TIMM23: variants seen among roughly 807,000 people sequenced by gnomAD.
TIMM23 encodes the protein mitochondrial import inner membrane translocase subunit Tim23.
In TIMM23, 19 loss-of-function variants were observed where a neutral mutation model predicts 30.7. The ratio of observed to expected loss-of-function variants is 0.62; its 90% CI spans 0.43 to 0.91. TIMM23 has a LOEUF of 0.91. TIMM23 is among the 40% of genes least tolerant of loss of function. TIMM23 has a pLI of 0.00. For synonymous variants in TIMM23, 78 were observed against 98.5 expected, an observed-to-expected ratio of 0.79 and a Z score of 1.23; for missense variants, 202 against 269.2, an observed-to-expected ratio of 0.75 and a Z score of 1.75.
At chr10:45,975,357 A>G in intron 1 of TIMM23, 97 bp from the exon 2 acceptor site, 2 of 1,492,864 alleles carry the variant, frequency 1.3e-6, no homozygotes, top group Non-Finnish European at 1.8e-6. Flanking sequence ...GAGCCTATAA[A>G]AATTGCAAAC....
rs1202230485 is a variant in TIMM23, at chr10:45,994,384, CTCTA to C, written c.514+5541_514+5544del. Among the ~76,000 whole-genome samples, 657 of 145,494 alleles carry C rather than the reference CTCTA, an allele frequency of 4.5e-3. 5 individuals carry two copies. The highest frequency in any genetic ancestry group is 0.016 in the African/African-American group (618 of 38,968). The stretch of plus-strand genomic sequence containing the variant: ...AAATAAATGAATAAAATAAATTACT[CTCTA>C]TCTGACAGCTGCTAGTTTTTCCCTC... On this transcript the variant is annotated intron_variant, in intron 6 of 6. Coordinates refer to ENST00000580018, the MANE Select transcript of TIMM23 (RefSeq NM_006327.4).
At chr10:45,976,806 G>T (rs1446941252) in intron 2 of TIMM23, among the ~76,000 whole-genome samples, 2 of 152,078 alleles carry the variant, frequency 1.3e-5, no homozygotes, top group Non-Finnish European at 2.9e-5. Flanking sequence ...TACGTTAAAT[G>T]GCATTCAAGT....
rs1281515223 is a variant in TIMM23, at chr10:45,996,195, A to C, written c.515-7008A>C. Among the ~76,000 whole-genome samples, 97 of 142,984 alleles carry C rather than the reference A, an allele frequency of 6.8e-4. 7 individuals are homozygous for C. The highest frequency in any genetic ancestry group is 2.6e-3 in the African/African-American group (93 of 35,436). The allele number at this position is 142,984 out of a possible 152,430, so 93.8% of individuals were successfully genotyped here. ...GCTAACACAGTGAAACCCCGTCTCT[A>C]CTGAAAATACAAAAACATTATCCGG... On this transcript the variant is annotated intron_variant, in intron 6 of 6. Coordinates refer to ENST00000580018, the MANE Select transcript of TIMM23 (RefSeq NM_006327.4).
At chr10:46,000,014 A>C (rs546316371) in intron 6 of TIMM23, among the ~76,000 whole-genome samples, 2 of 152,326 alleles carry the variant, frequency 1.3e-5, no homozygotes, top group Non-Finnish European at 2.9e-5. Context: ...GTTTAAGGTT[A>C]TCTCTCTTAT....
At chr10:45,984,678 T>C (rs1564906209) in intron 4 of TIMM23, 2 of 309,914 alleles carry the variant, frequency 6.5e-6, no homozygotes, top group East Asian at 8.8e-5. Context: ...GAGAAGAATG[T>C]CTTCTCTTCA....
At position 45,985,430 on chromosome 10, in the gene TIMM23, T is replaced by C; in HGVS notation, c.392T>C (p.Leu131Pro). The C allele has an allele frequency of 1.2e-6, 2 of 1,613,466 alleles. No homozygotes were observed. Among genetic ancestry groups the C allele is most frequent in the South Asian group, 1.1e-5 (1 of 91,072 alleles). ...CAAGGGGCACTTTGGGCTAATACTC[T>C]AGGTTCTCTGGGTAAGTAGAGATCT... is the stretch of plus-strand genomic sequence containing the variant. ...TRQGALWANTLGSLALLYSAF... is the reference protein window; with the variant it reads ...TRQGALWANTPGSLALLYSAF... The change falls in exon 5 of 7, where the codon CTA (leucine) becomes CCA (proline). Residue 131 changes from leucine (L) to proline (P), a missense_variant. Transcript: ENST00000580018.
chr10:46,003,192 CTG>C lies in TIMM23; in HGVS notation c.515-9_515-8del, dbSNP rs1838606727. The C allele has an allele frequency of 6.2e-7, 1 of 1,606,564 alleles. No individual in the cohort carries two copies. Among genetic ancestry groups the C allele is most frequent in the South Asian group, 1.1e-5 (1 of 90,932 alleles). Reference sequence around the variant, plus strand: ...CAGCTATTTCATTTTCCTTTTGTCTCTGTTTCCCAGGTGGTCTTCGAGGGATA... The same window carrying C: ...CAGCTATTTCATTTTCCTTTTGTCTCTTTCCCAGGTGGTCTTCGAGGGATA... On this transcript the variant is annotated splice_polypyrimidine_tract_variant and intron_variant, in intron 6 of 6. Coordinates refer to ENST00000580018, the MANE Select transcript of TIMM23 (RefSeq NM_006327.4).
At position 45,985,380 on chromosome 10, in the gene TIMM23, T is replaced by G. The variant is rs1395070094; in HGVS notation, c.345-3T>G. 1 of 1,613,346 alleles carries G rather than the reference T, an allele frequency of 6.2e-7. No homozygotes were observed. The highest frequency in any genetic ancestry group is 2.2e-5 in the East Asian group (1 of 44,826). ...CAGATTCTTTCTCTTTCTGCCCTGA[T>G]AGGATTTTGAATATGGTGACTAGGC... On this transcript the variant is annotated splice_polypyrimidine_tract_variant and splice_region_variant and intron_variant, in intron 4 of 6. Coordinates refer to ENST00000580018, the MANE Select transcript of TIMM23 (RefSeq NM_006327.4).
intron 6 of TIMM23, among the ~76,000 whole-genome samples, chr10:45,996,022 C>T (rs1376327623): frequency 2.7e-5 from 4 of 149,674 alleles, no homozygotes; most frequent in African/African-American, 1.0e-4. Flanking sequence ...TGCTGCCTTT[C>T]GGAGGCAAGA....
intron 6 of TIMM23, among the ~76,000 whole-genome samples, chr10:46,000,453 C>T (rs1554917506): frequency 6.6e-6 from 1 of 152,210 alleles, no homozygotes; most frequent in African/African-American, 2.4e-5. Context: ...CTCCTGGGCT[C>T]AAGCAGTCCG....
chr10:45,973,919 C>G (rs1225435993), intron 1 of TIMM23, among the ~76,000 whole-genome samples: 27 of 152,024 alleles, frequency 1.8e-4, no homozygotes, highest in Non-Finnish European at 3.4e-4. Context: ...TCCCAAAATG[C>G]TGGGATTCCT....
intron 6 of TIMM23, among the ~76,000 whole-genome samples, chr10:45,998,705 T>G (rs941043540): frequency 5.9e-5 from 9 of 152,202 alleles, no homozygotes; most frequent in Non-Finnish European, 1.2e-4. Flanking sequence ...GGAGTTGATT[T>G]TTTTTCTCTC....
intron 6 of TIMM23, among the ~76,000 whole-genome samples, chr10:45,999,826 C>A (rs1182331485): frequency 3.3e-5 from 5 of 152,102 alleles, no homozygotes; most frequent in Admixed American, 3.3e-4. Flanking sequence ...CTACAGTCTA[C>A]AGACCATAAA....
chr10:45,997,164 G>T (rs1285969371), intron 6 of TIMM23, among the ~76,000 whole-genome samples: 3 of 152,056 alleles, frequency 2.0e-5, no homozygotes, highest in Non-Finnish European at 2.9e-5. Flanking sequence ...CAAGGCTGCA[G>T]TGAGCCGTGA....
rs1173796893 is a variant in TIMM23, at chr10:46,003,612, CAGA to C, written c.*296_*298del. 14 of 263,786 alleles carry C rather than the reference CAGA, an allele frequency of 5.3e-5. No individual in the cohort carries two copies. Among genetic ancestry groups the C allele is most frequent in the Non-Finnish European group, 8.8e-5 (12 of 135,730 alleles). The allele number at this position is 263,786 out of a possible 1,614,324, so 16.3% of individuals were successfully genotyped here. A position where few individuals can be genotyped will look rare whatever the true frequency, so the allele number is the denominator to read the frequency against. The stretch of plus-strand genomic sequence containing the variant: ...CATGAACTAGAAAACCACTTACTCC[CAGA>C]ATTCAGGTCGTGCTTGTTAGTACTA... On this transcript the variant is annotated 3_prime_UTR_variant, in exon 7 of 7. Coordinates refer to ENST00000580018, the MANE Select transcript of TIMM23 (RefSeq NM_006327.4).
At chr10:45,977,629 G>C (rs1837713468) in intron 2 of TIMM23, among the ~76,000 whole-genome samples, 1 of 152,218 alleles carries the variant, frequency 6.6e-6, no homozygotes. Context: ...TGTGACTTTG[G>C]ATTAGACTGT....
chr10:45,973,776 T>G (rs1837575614), intron 1 of TIMM23, among the ~76,000 whole-genome samples: 1 of 151,676 alleles, frequency 6.6e-6, no homozygotes, highest in Admixed American at 6.6e-5. Context: ...CCTAAGTAGC[T>G]GGGACTCTAG....
At chr10:45,996,205 C>A (rs1345210515) in intron 6 of TIMM23, among the ~76,000 whole-genome samples, 1 of 143,200 alleles carries the variant, frequency 7.0e-6, no homozygotes, top group Non-Finnish European at 1.5e-5. Flanking sequence ...ACTGAAAATA[C>A]AAAAACATTA....
intron 6 of TIMM23, among the ~76,000 whole-genome samples, chr10:45,990,447 A>T (rs1838131402): frequency 6.9e-6 from 1 of 143,946 alleles, no homozygotes; most frequent in East Asian, 2.1e-4. Context: ...TTTAAGACAG[A>T]GTCTCACTCT....
Sources: gnomAD v4.1 joint callset for allele counts (sites outside exome capture counted in the v4.1 genomes callset) on GRCh38, gnomAD v4.1.1 for gene constraint, MANE v1.5 for transcripts, NCBI Gene and HGNC (gene_info 2026-07-23, HGNC 2026-07-21) for gene names.